The following NTAQ1 variants were observed in gnomAD, a reference collection of about 807,000 sequenced individuals.
NTAQ1 encodes the protein N-terminal glutamine amidase 1.
NTAQ1 carries 21 observed loss-of-function variants against 28.2 expected under a neutral mutation model. The ratio of observed to expected loss-of-function variants is 0.74; its 90% CI spans 0.53 to 1.07. The LOEUF (loss-of-function observed/expected upper bound fraction) is 1.07, where lower values mean the gene tolerates loss of function less well. NTAQ1 is among the 50% of genes least tolerant of loss of function. The pLI, the probability that NTAQ1 is intolerant of heterozygous loss-of-function variation, is 0.00. For missense variants in NTAQ1, 264 were observed against 256.6 expected (o/e 1.03, Z -0.20); for synonymous variants, 105 against 90.0 (o/e 1.17, Z -0.94).
intron 6 of NTAQ1, among the ~76,000 whole-genome samples, chr8:123,462,002 TG>T (rs1563907833): frequency 6.6e-6 from 1 of 152,164 alleles, no homozygotes; most frequent in African/African-American, 2.4e-5. Context: ...GGAAATCTAG[TG>T]AAAAAATATT....
At chr8:123,444,897 T>G (rs540037317), downstream of NTAQ1, among the ~76,000 whole-genome samples, 2 of 152,264 alleles carry the variant, frequency 1.3e-5, no homozygotes, top group Non-Finnish European at 2.9e-5. Flanking sequence ...GAAGCAAATA[T>G]GAAAATATAA....
At chr8:123,428,140 T>C in intron 2 of NTAQ1, 117 bp downstream of exon 2, 2 of 671,634 alleles carry the variant, frequency 3.0e-6, no homozygotes, top group South Asian at 5.1e-5. Context: ...GAAGTGTGCT[T>C]TATTAAATAC....
chr8:123,423,925 A>C (rs2130174795), intron 1 of NTAQ1, among the ~76,000 whole-genome samples: 1 of 151,846 alleles, frequency 6.6e-6, no homozygotes, highest in South Asian at 2.1e-4. Context: ...TCTGTCACCC[A>C]GGCTGGAGGA....
chr8:123,465,607 A>G, intron 6 of NTAQ1, among the ~76,000 whole-genome samples: 1 of 108,196 alleles, frequency 9.2e-6, no homozygotes, highest in Non-Finnish European at 1.7e-5. Flanking sequence ...TTTGAGACAG[A>G]GTCTTGCTCT....
chr8:123,456,302 T>C (rs1282568393), intron 6 of NTAQ1, among the ~76,000 whole-genome samples: 2 of 152,206 alleles, frequency 1.3e-5, no homozygotes, highest in East Asian at 3.8e-4. Context: ...TGTTGTTATT[T>C]TGAGACAGAG....
chr8:123,449,313 A>G (rs781593711), downstream of NTAQ1, among the ~76,000 whole-genome samples: 4 of 152,246 alleles, frequency 2.6e-5, no homozygotes, highest in African/African-American at 4.8e-5. Flanking sequence ...TTGAAAGAGA[A>G]AATGATTTAC....
chr8:123,428,024 G>T lies in NTAQ1; in HGVS notation c.183+1G>T. The T allele has an allele frequency of 6.3e-7, 1 of 1,591,060 alleles. No homozygotes were observed. Among genetic ancestry groups the T allele is most frequent in the South Asian group, 1.2e-5 (1 of 86,562 alleles). On this transcript the variant is annotated splice_donor_variant, in intron 2 of 5. Coordinates refer to ENST00000287387, the MANE Select transcript of NTAQ1 (RefSeq NM_018024.3). LOFTEE classifies it high-confidence loss of function. ...CTTCATATCTAATGAGAGGAAGATGGTAAGTTGGTGAGTGATTGCAGAAAG... is the reference window on the plus strand; with the variant it reads ...CTTCATATCTAATGAGAGGAAGATGTTAAGTTGGTGAGTGATTGCAGAAAG...
At chr8:123,469,899 T>C (rs1179320690) in exon 7 of NTAQ1, among the ~76,000 whole-genome samples, 1 of 152,130 alleles carries the variant, frequency 6.6e-6, no homozygotes, top group Non-Finnish European at 1.5e-5. Flanking sequence ...CTGCTAGAAG[T>C]TTGGGGAGAC....
chr8:123,451,572 C>T (rs1458488846), downstream of NTAQ1, among the ~76,000 whole-genome samples: 1 of 152,162 alleles, frequency 6.6e-6, no homozygotes, highest in Non-Finnish European at 1.5e-5. Context: ...CTCTTGACTT[C>T]AATTGGTCCG....
Position 123,430,049 on chromosome 8 carries a change from C to G in NTAQ1, c.234+16C>G, listed in dbSNP as rs1326161457. 1.2e-6 allele frequency: 2 copies of G among 1,608,730 alleles called. No individual in the cohort carries two copies. Among genetic ancestry groups the G allele is most frequent in the Admixed American group, 1.7e-5 (1 of 59,716 alleles). On this transcript the variant is annotated intron_variant, in intron 3 of 5. Coordinates refer to ENST00000287387, the MANE Select transcript of NTAQ1 (RefSeq NM_018024.3). ...TGTGATCTGGGTAAGACAGTTAATA[C>G]AGAGAGTATTGACGCATTATGACTT...
At chr8:123,440,502 C>CTTT (rs554416057) in intron 5 of NTAQ1, among the ~76,000 whole-genome samples, 2 of 123,892 alleles carry the variant, frequency 1.6e-5, no homozygotes, top group East Asian at 2.3e-4. Flanking sequence ...TTCCTTTCTT[C>CTTT]TTTTTTTTTT....
At position 123,428,086 on chromosome 8, in the gene NTAQ1, TA is replaced by T. The variant is rs34896896; in HGVS notation, c.183+75del. On this transcript the variant is annotated intron_variant, in intron 2 of 5. Coordinates refer to ENST00000287387, the MANE Select transcript of NTAQ1 (RefSeq NM_018024.3). ...TTTAGGATGACATTAGAAGCTAAATTAAAAAAAAAAAAGCTAAATATAGCAT... is the reference window on the plus strand; with the variant it reads ...TTTAGGATGACATTAGAAGCTAAATTAAAAAAAAAAAGCTAAATATAGCAT... 0.012 allele frequency: 12,160 copies of T among 1,038,014 alleles called. 291 individuals are homozygous for T. In the African/African-American group the frequency reaches 0.18, roughly 15 times the overall value. The allele number at this position is 1,038,014 out of a possible 1,614,324, so 64.3% of individuals were successfully genotyped here.
At chr8:123,471,775 A>G (rs2130448574), downstream of NTAQ1, among the ~76,000 whole-genome samples, 1 of 152,278 alleles carries the variant, frequency 6.6e-6, no homozygotes, top group South Asian at 2.1e-4. Context: ...CACCCACATT[A>G]GGGAGGGTAA....
At chr8:123,454,801 C>T (rs1815600831) in intron 6 of NTAQ1, among the ~76,000 whole-genome samples, 1 of 152,208 alleles carries the variant, frequency 6.6e-6, no homozygotes, top group Non-Finnish European at 1.5e-5. Flanking sequence ...AGATCACCTA[C>T]CCCTGGGGAC....
intron 5 of NTAQ1, chr8:123,437,991 T>C: frequency 1.7e-6 from 1 of 573,514 alleles, no homozygotes; most frequent in East Asian, 2.9e-5. Flanking sequence ...CATGGTAGGG[T>C]TTTGTGCTGT....
At chr8:123,440,504 T>TC (rs200098462) in intron 5 of NTAQ1, among the ~76,000 whole-genome samples, 8,206 of 142,740 alleles carry the variant, frequency 0.057, 311 homozygotes, top group Non-Finnish European at 0.083. Context: ...CCTTTCTTCT[T>TC]TTTTTTTTTT....
chr8:123,427,559 C>T (rs1167781373), intron 1 of NTAQ1, among the ~76,000 whole-genome samples: 6 of 152,116 alleles, frequency 3.9e-5, no homozygotes, highest in African/African-American at 7.2e-5. Flanking sequence ...TGAGCCACCA[C>T]GCCTGGCCTT....
chr8:123,424,987 C>T (rs769138239), intron 1 of NTAQ1, among the ~76,000 whole-genome samples: 13 of 152,130 alleles, frequency 8.5e-5, no homozygotes, highest in Admixed American at 3.3e-4. Flanking sequence ...CTTGTATAAG[C>T]CAGAGAGATA....
At chr8:123,466,653 C>T (rs1815967523) in intron 6 of NTAQ1, among the ~76,000 whole-genome samples, 1 of 152,212 alleles carries the variant, frequency 6.6e-6, no homozygotes, top group African/African-American at 2.4e-5. Flanking sequence ...TGCCCCTCCT[C>T]CCTTTTCCCC....
Sources: gnomAD v4.1 joint callset for allele counts (sites outside exome capture counted in the v4.1 genomes callset) on GRCh38, gnomAD v4.1.1 for gene constraint, MANE v1.5 for transcripts, NCBI Gene and HGNC (gene_info 2026-07-23, HGNC 2026-07-21) for gene names.